PLCL1: variants seen among roughly 807,000 people sequenced by gnomAD.
PLCL1 encodes phospholipase C like 1 (inactive), also known as inactive phospholipase C-like protein 1.
PLCL1 carries 41 observed loss-of-function variants against 84.4 expected under a neutral mutation model. The ratio of observed to expected loss-of-function variants is 0.49; its 90% CI spans 0.38 to 0.63. The LOEUF is 0.63. Ranked by LOEUF, PLCL1 falls within the 30% of genes least tolerant of loss-of-function variation. The pLI, the probability that PLCL1 is intolerant of heterozygous loss-of-function variation, is 0.00. For synonymous variants in PLCL1, 490 were observed against 488.3 expected (o/e 1.00, Z -0.05); for missense variants, 1,206 against 1,367.8 (o/e 0.88, Z 1.87).
intron 3 of PLCL1, among the ~76,000 whole-genome samples, chr2:198,100,228 C>T (rs1396873428): frequency 6.6e-6 from 1 of 151,844 alleles, no homozygotes; most frequent in African/African-American, 2.4e-5. Context: ...AGATTGAGTC[C>T]CTGCTCTACT....
intron 1 of PLCL1, among the ~76,000 whole-genome samples, chr2:197,942,535 T>C (rs1689179086): frequency 1.3e-5 from 2 of 152,244 alleles, no homozygotes; most frequent in Non-Finnish European, 1.5e-5. Context: ...ATAGCAGTTA[T>C]ATTGGCATTT....
chr2:198,048,760 TC>T (rs1474191326), intron 1 of PLCL1, among the ~76,000 whole-genome samples: 1 of 152,188 alleles, frequency 6.6e-6, no homozygotes, highest in Non-Finnish European at 1.5e-5. Context: ...ACATTGGAGA[TC>T]ATATTTCAAC....
chr2:197,992,571 G>A (rs1397964590), intron 1 of PLCL1, among the ~76,000 whole-genome samples: 1 of 152,116 alleles, frequency 6.6e-6, no homozygotes, highest in Non-Finnish European at 1.5e-5. Context: ...GCAATTTCAA[G>A]TATTTTAAAG....
chr2:198,137,689 C>CT (rs1179431826), intron 5 of PLCL1, among the ~76,000 whole-genome samples: 1 of 152,150 alleles, frequency 6.6e-6, no homozygotes, highest in Non-Finnish European at 1.5e-5. Context: ...CAAATCATTG[C>CT]TTTCTTGTTA....
chr2:197,921,290 A>C (rs1009814999), intron 1 of PLCL1, among the ~76,000 whole-genome samples: 3 of 152,232 alleles, frequency 2.0e-5, no homozygotes, highest in Admixed American at 1.3e-4. Flanking sequence ...ATATTGAATG[A>C]TAGCAAACCA....
At chr2:197,933,388 C>G (rs1229760401) in intron 1 of PLCL1, among the ~76,000 whole-genome samples, 1 of 151,670 alleles carries the variant, frequency 6.6e-6, no homozygotes, top group African/African-American at 2.4e-5. Context: ...CTCAGCCTCT[C>G]AAGTAGCTGG....
At chr2:197,932,300 G>C (rs1265089163) in intron 1 of PLCL1, among the ~76,000 whole-genome samples, 1 of 152,076 alleles carries the variant, frequency 6.6e-6, no homozygotes, top group Non-Finnish European at 1.5e-5. Context: ...TTTTTATACT[G>C]CACTGAACAC....
At chr2:197,806,647 G>A (rs1690491664) in intron 1 of PLCL1, among the ~76,000 whole-genome samples, 1 of 152,088 alleles carries the variant, frequency 6.6e-6, no homozygotes, top group African/African-American at 2.4e-5. Flanking sequence ...GTGTGAATTT[G>A]GACAAAGGGA....
At chr2:198,036,663 T>C (rs1259987721) in intron 1 of PLCL1, among the ~76,000 whole-genome samples, 1 of 152,156 alleles carries the variant, frequency 6.6e-6, no homozygotes, top group African/African-American at 2.4e-5. Flanking sequence ...TAGTGGTTTT[T>C]TCCTCCATGG....
intron 3 of PLCL1, among the ~76,000 whole-genome samples, chr2:198,090,531 C>T (rs756463153): frequency 6.6e-6 from 1 of 152,010 alleles, no homozygotes; most frequent in Non-Finnish European, 1.5e-5. Flanking sequence ...AAACATTCTA[C>T]GAATGAAAAA....
intron 1 of PLCL1, among the ~76,000 whole-genome samples, chr2:197,982,793 C>A (rs1001132328): frequency 4.6e-5 from 7 of 152,130 alleles, no homozygotes; most frequent in Non-Finnish European, 1.0e-4. Context: ...AGGGCTGAAG[C>A]CTTGGAGGAC....
At chr2:197,975,917 AAT>A (rs1217634336) in intron 1 of PLCL1, among the ~76,000 whole-genome samples, 12 of 152,124 alleles carry the variant, frequency 7.9e-5, no homozygotes, top group Non-Finnish European at 1.2e-4. Flanking sequence ...TTTCTGTCTA[AAT>A]ATTTCAGCCC....
At chr2:197,988,073 G>C (rs148642553) in intron 1 of PLCL1, among the ~76,000 whole-genome samples, 113 of 152,124 alleles carry the variant, frequency 7.4e-4, no homozygotes, top group Middle Eastern at 6.8e-3. Context: ...GAGAAACTGG[G>C]ATGAGTGGAT....
intron 5 of PLCL1, among the ~76,000 whole-genome samples, chr2:198,104,786 G>A (rs944355189): frequency 3.9e-5 from 6 of 152,076 alleles, no homozygotes; most frequent in African/African-American, 1.4e-4. Context: ...GATTAGTGAT[G>A]TTGAACACCT....
intron 1 of PLCL1, among the ~76,000 whole-genome samples, chr2:198,034,183 C>T (rs918184294): frequency 1.3e-5 from 2 of 151,972 alleles, no homozygotes; most frequent in South Asian, 4.2e-4. Flanking sequence ...TGTGATGTCC[C>T]CCTTCCTGTG....
intron 1 of PLCL1, among the ~76,000 whole-genome samples, chr2:198,069,089 C>T (rs1692403345): frequency 1.3e-5 from 2 of 149,946 alleles, no homozygotes; most frequent in South Asian, 4.2e-4. Flanking sequence ...CCTAGATAAG[C>T]AAACATAACT....
At chr2:197,969,710 T>C (rs938697626) in intron 1 of PLCL1, among the ~76,000 whole-genome samples, 3 of 152,228 alleles carry the variant, frequency 2.0e-5, no homozygotes, top group African/African-American at 7.2e-5. Context: ...CCACCATCTT[T>C]GGCCAAATGA....
At chr2:198,137,325 G>A (rs1039862675) in intron 5 of PLCL1, among the ~76,000 whole-genome samples, 6 of 152,052 alleles carry the variant, frequency 3.9e-5, no homozygotes, top group African/African-American at 7.2e-5. Flanking sequence ...CGAATGGCTC[G>A]AAAATTTGAA....
chr2:197,863,431 AT>A (rs1337017734), intron 1 of PLCL1, among the ~76,000 whole-genome samples: 1 of 152,144 alleles, frequency 6.6e-6, no homozygotes, highest in Non-Finnish European at 1.5e-5. Context: ...AATGTGATCG[AT>A]TATTGCATGT....
Sources: allele counts gnomAD v4.1 joint callset (sites outside exome capture counted in the v4.1 genomes callset), GRCh38; gene constraint gnomAD v4.1.1; transcripts MANE v1.5; gene names NCBI Gene and HGNC (gene_info 2026-07-23, HGNC 2026-07-21).